The following RELN variants were observed in gnomAD, a reference collection of about 807,000 sequenced individuals.
RELN encodes reelin.
In RELN, 108 loss-of-function variants were observed where a neutral mutation model predicts 427.6. That is an observed-to-expected ratio of 0.25 (90% CI 0.22 to 0.30). RELN has a LOEUF of 0.30. RELN is among the 10% of genes least tolerant of loss of function. RELN has a pLI of 1.00. For synonymous variants in RELN, 1,524 were observed against 1,513.4 expected, an observed-to-expected ratio of 1.01 and a Z score of -0.16; for missense variants, 3,715 against 4,302.8, an observed-to-expected ratio of 0.86 and a Z score of 3.82.
At chr7:103,582,484 G>C (rs1831174533) in intron 28 of RELN, among the ~76,000 whole-genome samples, 1 of 152,200 alleles carries the variant, frequency 6.6e-6, no homozygotes, top group African/African-American at 2.4e-5. Context: ...AATTACTTAT[G>C]AGTTGGAGCC....
chr7:103,479,912 A>C (rs1022606713), intron 63 of RELN, among the ~76,000 whole-genome samples: 4 of 152,196 alleles, frequency 2.6e-5, no homozygotes, highest in African/African-American at 9.7e-5. Context: ...CTTGGTGCAC[A>C]TGCACAGAAG....
chr7:103,597,680 T>C (rs1831569598), intron 24 of RELN, among the ~76,000 whole-genome samples: 1 of 152,074 alleles, frequency 6.6e-6, no homozygotes, highest in Non-Finnish European at 1.5e-5. Context: ...CAAACAGAAG[T>C]TAGGAGAGAT....
chr7:103,506,076 A>G (rs763951333), intron 51 of RELN, among the ~76,000 whole-genome samples: 15 of 152,298 alleles, frequency 9.8e-5, no homozygotes, highest in Non-Finnish European at 1.8e-4. Flanking sequence ...TCCAAGAAAT[A>G]TGGGACTACG....
intron 1 of RELN, among the ~76,000 whole-genome samples, chr7:103,936,441 T>C (rs12705169): frequency 1.3e-5 from 2 of 151,932 alleles, no homozygotes; most frequent in South Asian, 2.1e-4. Context: ...CCTCTTCACA[T>C]AGCAGCCACA....
intron 2 of RELN, among the ~76,000 whole-genome samples, chr7:103,889,511 C>T (rs2299400): frequency 0.78 from 118,401 of 152,138 alleles, 46,117 homozygotes; most frequent in South Asian, 0.86. Flanking sequence ...GTGAGCCTAG[C>T]GTAAGGCTAC....
At chr7:103,559,195 G>T (rs1010667642) in intron 36 of RELN, among the ~76,000 whole-genome samples, 2 of 152,198 alleles carry the variant, frequency 1.3e-5, no homozygotes, top group African/African-American at 4.8e-5. Context: ...AGTGGTGATG[G>T]TAGGATTTGA....
intron 34 of RELN, among the ~76,000 whole-genome samples, chr7:103,562,663 C>T (rs1584297886): frequency 6.6e-6 from 1 of 152,192 alleles, no homozygotes; most frequent in Non-Finnish European, 1.5e-5. Flanking sequence ...ATGTGGAACA[C>T]AGTCTACTTG....
intron 55 of RELN, 87 bp from the exon 56 acceptor site, chr7:103,496,855 C>A: frequency 6.7e-7 from 1 of 1,488,198 alleles, no homozygotes; most frequent in South Asian, 1.1e-5. Flanking sequence ...ATACTGTGAA[C>A]TTCCCAAAGA....
rs1285212470 is a variant in RELN, at chr7:103,551,225, C to T, written c.6144G>A (p.Gly2048=). The part of the protein sequence containing the change: ...PVRLEFSRDF[G]ATWHLLLPLC... ...GGGGCAGCAGAAGGTGCCAGGTCGC[C>T]CCGAAGTCCCTTGAAAATTCCAGTC... Residue 2048 remains glycine, a synonymous_variant, in exon 41 of 65, where the codon GGG becomes GGA. Transcript: ENST00000428762. 6.2e-7 allele frequency: 1 copy of T among 1,614,034 alleles called. No individual in the cohort carries two copies. Among genetic ancestry groups the T allele is most frequent in the Non-Finnish European group, 8.5e-7 (1 of 1,180,026 alleles).
chr7:103,586,017 T>C (rs919365598), intron 28 of RELN, among the ~76,000 whole-genome samples: 1 of 152,152 alleles, frequency 6.6e-6, no homozygotes, highest in Non-Finnish European at 1.5e-5. Context: ...ATTCATGATG[T>C]TGATACGATA....
At chr7:103,886,560 G>A (rs555789178) in intron 2 of RELN, among the ~76,000 whole-genome samples, 12 of 152,214 alleles carry the variant, frequency 7.9e-5, no homozygotes, top group African/African-American at 2.2e-4. Context: ...TGCTTTGTGT[G>A]AACATGAAAG....
intron 2 of RELN, among the ~76,000 whole-genome samples, chr7:103,837,709 C>T (rs955454792): frequency 2.0e-5 from 3 of 152,150 alleles, no homozygotes; most frequent in African/African-American, 7.2e-5. Flanking sequence ...ACTGCCCCTG[C>T]CCCATGTTTG....
intron 1 of RELN, among the ~76,000 whole-genome samples, chr7:103,950,170 G>A (rs765839821): frequency 6.6e-6 from 1 of 152,162 alleles, no homozygotes; most frequent in Non-Finnish European, 1.5e-5. Flanking sequence ...CTTTTATAAG[G>A]GCACTAATCC....
intron 41 of RELN, among the ~76,000 whole-genome samples, chr7:103,546,682 G>A (rs548525132): frequency 6.6e-6 from 1 of 152,278 alleles, no homozygotes; most frequent in East Asian, 1.9e-4. Flanking sequence ...AGAGGCCAAT[G>A]TCCATGTCTC....
chr7:103,786,324 T>C (rs1792014301), intron 3 of RELN, among the ~76,000 whole-genome samples: 1 of 151,936 alleles, frequency 6.6e-6, no homozygotes, highest in Admixed American at 6.6e-5. Context: ...ATTGCTTCCC[T>C]AAACAGCTGT....
chr7:103,891,370 T>C (rs551863039), intron 2 of RELN, among the ~76,000 whole-genome samples: 2 of 152,318 alleles, frequency 1.3e-5, no homozygotes, highest in South Asian at 2.1e-4. Flanking sequence ...TCTTATCTTA[T>C]TGTGCTGGCC....
At chr7:103,806,025 G>C (rs559625839) in intron 3 of RELN, among the ~76,000 whole-genome samples, 3 of 152,282 alleles carry the variant, frequency 2.0e-5, no homozygotes, top group African/African-American at 4.8e-5. Context: ...CAATTGCAAG[G>C]AGTTTTTACC....
intron 3 of RELN, among the ~76,000 whole-genome samples, chr7:103,805,673 A>G (rs1792580837): frequency 1.3e-5 from 2 of 152,210 alleles, no homozygotes; most frequent in African/African-American, 4.8e-5. Flanking sequence ...GATGTGCAAG[A>G]TTGTTCACAT....
At chr7:103,491,880 A>G in intron 58 of RELN, 73 bp downstream of exon 58, 1 of 859,716 alleles carries the variant, frequency 1.2e-6, no homozygotes, top group South Asian at 1.4e-5. Context: ...ACACACACAC[A>G]CACACACACA....
Sources: gnomAD v4.1 joint callset for allele counts (sites outside exome capture counted in the v4.1 genomes callset) on GRCh38, gnomAD v4.1.1 for gene constraint, MANE v1.5 for transcripts, NCBI Gene and HGNC (gene_info 2026-07-23, HGNC 2026-07-21) for gene names.